Variants in NUDCD3 observed in about 807,000 individuals in gnomAD.
The protein encoded by NUDCD3 is NudC domain containing 3, also known as nudC domain-containing protein 3.
In NUDCD3, 13 loss-of-function variants were observed where a neutral mutation model predicts 39.7. That is an observed-to-expected ratio of 0.33 (90% confidence interval 0.21 to 0.52). NUDCD3 has a LOEUF of 0.52. NUDCD3 is among the 20% of genes least tolerant of loss of function. The probability of loss-of-function intolerance (pLI) is 0.96; values close to 1 mark genes in which losing one functional copy is unlikely to be tolerated. For synonymous variants in NUDCD3, 175 were observed against 172.4 expected (o/e 1.02, Z -0.12); for missense variants, 453 against 458.1 (o/e 0.99, Z 0.10).
intron 3 of NUDCD3, among the ~76,000 whole-genome samples, chr7:44,408,065 C>A (rs1356570656): frequency 6.6e-6 from 1 of 151,946 alleles, no homozygotes; most frequent in Non-Finnish European, 1.5e-5. Context: ...GGAGAAAAAG[C>A]TTACTCACAA....
chr7:44,399,801 G>A (rs1798687849), intron 4 of NUDCD3, among the ~76,000 whole-genome samples: 2 of 152,114 alleles, frequency 1.3e-5, no homozygotes, highest in African/African-American at 4.8e-5. Flanking sequence ...AGGGGAGGAG[G>A]TGGATACAGC....
intron 2 of NUDCD3, among the ~76,000 whole-genome samples, chr7:44,447,037 C>A (rs1282423518): frequency 1.3e-5 from 2 of 152,212 alleles, no homozygotes; most frequent in Non-Finnish European, 2.9e-5. Context: ...ACTTGGGCTG[C>A]CAAGGAAAAG....
At chr7:44,418,429 C>T (rs931286934) in intron 3 of NUDCD3, among the ~76,000 whole-genome samples, 3 of 152,246 alleles carry the variant, frequency 2.0e-5, no homozygotes, top group African/African-American at 4.8e-5. Flanking sequence ...GAAGCAGACA[C>T]ACCTGACTCA....
intron 2 of NUDCD3, among the ~76,000 whole-genome samples, chr7:44,455,187 G>A (rs1335990884): frequency 6.6e-6 from 1 of 151,436 alleles, no homozygotes; most frequent in African/African-American, 2.4e-5. Flanking sequence ...CCAAATTTCA[G>A]ACTACATTTC....
intron 2 of NUDCD3, chr7:44,467,972 G>T: frequency 3.7e-6 from 6 of 1,611,624 alleles, no homozygotes; most frequent in Non-Finnish European, 5.1e-6. Flanking sequence ...GCACCAGTCA[G>T]ACCAATATGT....
chr7:44,471,092 G>A (rs905725910), intron 2 of NUDCD3, among the ~76,000 whole-genome samples: 13 of 152,172 alleles, frequency 8.5e-5, no homozygotes, highest in African/African-American at 2.9e-4. Flanking sequence ...GCATGGTGAC[G>A]ACAAATGGTA....
chr7:44,424,459 C>A (rs1799197222), intron 3 of NUDCD3, among the ~76,000 whole-genome samples: 1 of 151,862 alleles, frequency 6.6e-6, no homozygotes, highest in African/African-American at 2.4e-5. Flanking sequence ...AAAAAAAAAT[C>A]CCATCAAAAG....
chr7:44,456,106 G>T (rs958600491), intron 2 of NUDCD3, among the ~76,000 whole-genome samples: 1 of 137,168 alleles, frequency 7.3e-6, no homozygotes, highest in Non-Finnish European at 1.6e-5. Context: ...AGAGCTTTTA[G>T]AAACTAATAA....
intron 2 of NUDCD3, among the ~76,000 whole-genome samples, chr7:44,483,088 A>ATGTG (rs1554496630): frequency 6.6e-6 from 1 of 151,164 alleles, no homozygotes; most frequent in African/African-American, 2.4e-5. Context: ...GTGTGTGTGT[A>ATGTG]TGTGTGTGTG....
intron 4 of NUDCD3, chr7:44,402,935 C>T (rs981638298): frequency 2.0e-4 from 48 of 238,102 alleles, no homozygotes; most frequent in Admixed American, 5.0e-4. Flanking sequence ...AGGGAGAGGC[C>T]GTAATGGCAT....
rs1169860233 is a variant in NUDCD3 at position 44,404,475 on chromosome 7, A to G, written c.751T>C (p.Ser251Pro). 1 of 1,613,984 alleles carries G rather than the reference A, an allele frequency of 6.2e-7. No homozygotes were observed. The highest frequency in any genetic ancestry group is 8.5e-7 in the Non-Finnish European group (1 of 1,180,012). ...KLTHKINTES[S>P]LWSLEPGKCV... Reference sequence around the variant, plus strand: ...TTCCCGGGCTCGAGACTCCAGAGAGAACTCTCAGTGTTGATCTTGTGGGTG... The same window carrying G: ...TTCCCGGGCTCGAGACTCCAGAGAGGACTCTCAGTGTTGATCTTGTGGGTG... The change falls in exon 4 of 6, where the codon TCT becomes CCT. Residue 251 changes from serine (S) to proline (P), a missense_variant. Physicochemically the swap from Ser to Pro is moderately conservative, Grantham distance 74. Transcript: ENST00000355451.
At chr7:44,445,304 G>C (rs923751090) in intron 2 of NUDCD3, among the ~76,000 whole-genome samples, 1 of 152,234 alleles carries the variant, frequency 6.6e-6, no homozygotes, top group Non-Finnish European at 1.5e-5. Context: ...TCTTGAGTTA[G>C]ATAAGTTGCC....
Position 44,485,005 on chromosome 7 carries a change from C to T in NUDCD3, c.472G>A (p.Ala158Thr). 1 of 1,613,906 alleles carries T rather than the reference C, an allele frequency of 6.2e-7. No homozygotes were observed. The highest frequency in any genetic ancestry group is 1.3e-5 in the African/African-American group (1 of 75,062). The change falls in exon 2 of 6, where the codon GCT becomes ACT. Residue 158 changes from alanine (A) to threonine (T), a missense_variant. Physicochemically the swap from Ala to Thr is moderately conservative, Grantham distance 58 (BLOSUM62 0). Coordinates refer to ENST00000355451, the MANE Select transcript of NUDCD3 (RefSeq NM_015332.4). ...EAEAPGAVAGAAEVPREPPIL... is the reference protein window; with the variant it reads ...EAEAPGAVAGTAEVPREPPIL... ...GGTGGTTCCCTAGGGACTTCAGCAG[C>T]ACCAGCAACTGCTCCTGGAGCTTCT...
chr7:44,421,625 CTAAA>C (rs753381858), intron 3 of NUDCD3, among the ~76,000 whole-genome samples: 1 of 151,910 alleles, frequency 6.6e-6, no homozygotes, highest in Non-Finnish European at 1.5e-5. Context: ...GCTAACTATC[CTAAA>C]TATATATGCA....
At position 44,381,048 on chromosome 7, in the gene NUDCD3, T is replaced by A. The variant is rs1427089514; in HGVS notation, c.*4963A>T. The A allele has an allele frequency of 1.3e-5, 2 of 152,304 alleles. No homozygotes were observed. Among genetic ancestry groups the A allele is most frequent in the African/African-American group, 4.8e-5 (2 of 41,458 alleles). The allele number at this position is 152,304 out of a possible 1,614,324, so 9.4% of individuals were successfully genotyped here. A position where few individuals can be genotyped will look rare whatever the true frequency, so the allele number is the denominator to read the frequency against. ...CCTAACAGCCTGAGTGACCTCCTCA[T>A]AGCATGGGGTCAGTGCAGCGGCAAT... On this transcript the variant is annotated 3_prime_UTR_variant, in exon 6 of 6. Transcript: ENST00000355451.
At chr7:44,436,753 T>G (rs1799472630) in intron 2 of NUDCD3, among the ~76,000 whole-genome samples, 1 of 152,242 alleles carries the variant, frequency 6.6e-6, no homozygotes, top group African/African-American at 2.4e-5. Flanking sequence ...TCTTTCACTA[T>G]TTTTGTCTGT....
chr7:44,392,431 C>T lies in NUDCD3; in HGVS notation c.841G>A (p.Glu281Lys), dbSNP rs759872496. 3 of 1,614,044 alleles carry T rather than the reference C, an allele frequency of 1.9e-6. No individual in the cohort carries two copies. The highest frequency in any genetic ancestry group is 3.3e-5 in the Admixed American group (2 of 60,010). ...YWWNAILEGE[E>K]PIDIDKINKE... Reference sequence around the variant, plus strand: ...TTGATCTTGTCAATGTCGATGGGCTCTTCTCCCTCCAGGATGGCGTTCCAC... The same window carrying T: ...TTGATCTTGTCAATGTCGATGGGCTTTTCTCCCTCCAGGATGGCGTTCCAC... The change falls in exon 5 of 6, where the codon GAG (glutamate) becomes AAG (lysine). Residue 281 changes from glutamate to lysine, a missense_variant. Transcript: ENST00000355451.
At chr7:44,458,979 T>TGTGTGG (rs1554493970) in intron 2 of NUDCD3, among the ~76,000 whole-genome samples, 1 of 129,464 alleles carries the variant, frequency 7.7e-6, no homozygotes, top group African/African-American at 3.0e-5. Context: ...TGTGTGTGTG[T>TGTGTGG]GGTGATGTGT....
At chr7:44,390,704 G>C (rs924664427) in intron 5 of NUDCD3, among the ~76,000 whole-genome samples, 11 of 152,220 alleles carry the variant, frequency 7.2e-5, no homozygotes, top group Middle Eastern at 3.4e-3. Flanking sequence ...GCTGAATATG[G>C]GCACAGAGTG....
Sources: gnomAD v4.1 joint callset for allele counts (sites outside exome capture counted in the v4.1 genomes callset) on GRCh38, gnomAD v4.1.1 for gene constraint, MANE v1.5 for transcripts, NCBI Gene and HGNC (gene_info 2026-07-23, HGNC 2026-07-21) for gene names.